LRP12: variants seen among roughly 807,000 people sequenced by gnomAD.
LRP12 encodes low-density lipoprotein receptor-related protein 12.
LRP12 carries 14 observed loss-of-function variants against 66.0 expected under a neutral mutation model. The observed-to-expected ratio is 0.21, with a 90% CI of 0.14 to 0.33. The LOEUF is 0.33. LRP12 is among the 10% of genes least tolerant of loss of function. LRP12 has a pLI of 1.00. For synonymous variants in LRP12, 357 were observed against 359.1 expected, an observed-to-expected ratio of 0.99 and a Z score of 0.07; for missense variants, 889 against 1,053.4, an observed-to-expected ratio of 0.84 and a Z score of 2.16.
intron 1 of LRP12, among the ~76,000 whole-genome samples, chr8:104,575,926 A>C (rs1476836341): frequency 6.6e-6 from 1 of 152,190 alleles, no homozygotes; most frequent in East Asian, 1.9e-4. Context: ...AAAAGAATGT[A>C]ACAGACCTGA....
At position 104,588,851 on chromosome 8, in the gene LRP12, G is replaced by A; in HGVS notation, c.47C>T (p.Ala16Val). The change falls in exon 1 of 7, where the codon GCG becomes GTG. Residue 16 changes from alanine to valine, a missense_variant. Transcript: ENST00000276654. ...STKESPRWRS[A>V]LLLLFLAGVY... ...CCCAGCGAGGAAAAGCAAGAGCAAC[G>A]CAGACCTCCACCGCGGAGACTCTTT... 6.2e-7 allele frequency: 1 copy of A among 1,612,454 alleles called. No individual in the cohort carries two copies. The highest frequency in any genetic ancestry group is 8.5e-7 in the Non-Finnish European group (1 of 1,179,370).
chr8:104,557,318 T>C (rs543290570), intron 1 of LRP12, among the ~76,000 whole-genome samples: 3 of 152,106 alleles, frequency 2.0e-5, no homozygotes, highest in Non-Finnish European at 4.4e-5. Context: ...GCATCCAAAT[T>C]GGTAAAAAGG....
At chr8:104,495,463 C>A in intron 5 of LRP12, 1 of 352,990 alleles carries the variant, frequency 2.8e-6, no homozygotes, top group Non-Finnish European at 5.1e-6. Flanking sequence ...AATGAAAATC[C>A]CTGTAAAAGG....
chr8:104,523,640 T>G (rs1811182842), intron 2 of LRP12, among the ~76,000 whole-genome samples: 1 of 152,208 alleles, frequency 6.6e-6, no homozygotes, highest in Admixed American at 6.5e-5. Flanking sequence ...CGTGTATTTT[T>G]CATTGTGTTT....
In LRP12 at chr8:104,490,789, G is replaced by C; in HGVS notation, c.2464C>G (p.Arg822Gly). 2 of 1,614,042 alleles carry C rather than the reference G, an allele frequency of 1.2e-6. No individual in the cohort carries two copies. The highest frequency in any genetic ancestry group is 1.1e-5 in the South Asian group (1 of 91,070). ...ATNPGVRPSNRDGPCERCGIV... is the reference protein window; with the variant it reads ...ATNPGVRPSNGDGPCERCGIV... ...CCACAGCGCTCACAGGGGCCATCTCGATTACTTGGCCTTACTCCAGGATTT... is the reference window on the plus strand; with the variant it reads ...CCACAGCGCTCACAGGGGCCATCTCCATTACTTGGCCTTACTCCAGGATTT... The change falls in exon 7 of 7, where the codon CGA becomes GGA. Residue 822 changes from arginine (R) to glycine (G), a missense_variant. This residue lies in a region of LRP12 where 800 missense variants were observed against 964.5 expected (regional missense o/e 0.83). Coordinates refer to ENST00000276654, the MANE Select transcript of LRP12 (RefSeq NM_013437.5).
intron 1 of LRP12, among the ~76,000 whole-genome samples, chr8:104,534,854 G>A (rs941982741): frequency 8.6e-5 from 13 of 151,560 alleles, no homozygotes; most frequent in Admixed American, 7.9e-4. Flanking sequence ...AAAGAAAATC[G>A]CTTTGTTAAC....
At chr8:104,513,986 C>T (rs1439463419) in intron 2 of LRP12, among the ~76,000 whole-genome samples, 2 of 152,168 alleles carry the variant, frequency 1.3e-5, no homozygotes, top group Non-Finnish European at 2.9e-5. Context: ...TCTGAATCTA[C>T]ATCATCTCAG....
intron 1 of LRP12, among the ~76,000 whole-genome samples, chr8:104,547,569 AATTAT>A (rs1811601543): frequency 8.0e-6 from 1 of 124,928 alleles, no homozygotes; most frequent in Admixed American, 9.1e-5. Context: ...ATATATTAAT[AATTAT>A]TATATATTAA....
intron 1 of LRP12, among the ~76,000 whole-genome samples, chr8:104,577,670 G>A (rs1446991977): frequency 2.0e-5 from 3 of 151,972 alleles, no homozygotes; most frequent in African/African-American, 7.3e-5. Context: ...AATTAGCTGG[G>A]CGTGGTGGTG....
chr8:104,562,938 C>T (rs1027921134), intron 1 of LRP12, among the ~76,000 whole-genome samples: 4 of 152,086 alleles, frequency 2.6e-5, no homozygotes, highest in East Asian at 1.9e-4. Flanking sequence ...GCACCACAAG[C>T]AGATGAGTTC....
intron 2 of LRP12, among the ~76,000 whole-genome samples, chr8:104,523,543 G>A (rs1375453645): frequency 3.9e-5 from 6 of 152,146 alleles, no homozygotes; most frequent in Middle Eastern, 3.4e-3. Flanking sequence ...TGCTTAAATC[G>A]CTGTGTGATG....
chr8:104,534,823 T>C (rs2140865102), intron 1 of LRP12, among the ~76,000 whole-genome samples: 1 of 151,968 alleles, frequency 6.6e-6, no homozygotes, highest in South Asian at 2.1e-4. Flanking sequence ...CAATTATTTC[T>C]AGGTTACCAG....
chr8:104,587,261 T>C (rs576225094), intron 1 of LRP12, among the ~76,000 whole-genome samples: 12 of 152,324 alleles, frequency 7.9e-5, no homozygotes, highest in African/African-American at 2.6e-4. Context: ...TACCTCTCAA[T>C]TTCTTCTCTC....
intron 2 of LRP12, among the ~76,000 whole-genome samples, chr8:104,524,479 C>T (rs1811199528): frequency 6.6e-6 from 1 of 151,904 alleles, no homozygotes; most frequent in African/African-American, 2.4e-5. Context: ...GAGCATGATC[C>T]AAATTAGGCA....
chr8:104,568,386 T>C (rs1440507652), intron 1 of LRP12, among the ~76,000 whole-genome samples: 2 of 152,120 alleles, frequency 1.3e-5, no homozygotes, highest in Admixed American at 1.3e-4. Flanking sequence ...TTCTTAGATA[T>C]AATATCAAAG....
At chr8:104,570,755 A>G (rs185537063) in intron 1 of LRP12, among the ~76,000 whole-genome samples, 30 of 152,342 alleles carry the variant, frequency 2.0e-4, no homozygotes, top group African/African-American at 6.5e-4. Flanking sequence ...CAACTCATTA[A>G]AAAACTGACA....
At chr8:104,564,709 T>G (rs1053959812) in intron 1 of LRP12, among the ~76,000 whole-genome samples, 1 of 151,878 alleles carries the variant, frequency 6.6e-6, no homozygotes, top group African/African-American at 2.4e-5. Flanking sequence ...GGCGGGCAGA[T>G]CACTTGAGGT....
At chr8:104,501,770 C>T (rs1810831274) in intron 3 of LRP12, among the ~76,000 whole-genome samples, 1 of 151,300 alleles carries the variant, frequency 6.6e-6, no homozygotes, top group African/African-American at 2.4e-5. Flanking sequence ...TTTCTTCCAG[C>T]CTGTGGTTTG....
chr8:104,563,535 G>A lies in LRP12; in HGVS notation c.79+25284C>T, dbSNP rs376747111. The stretch of plus-strand genomic sequence containing the variant: ...TAAATACATATACATACATACATTC[G>A]CAGAGTCTGAATATTTGTATCCTTC... On this transcript the variant is annotated intron_variant, in intron 1 of 6. Transcript: ENST00000276654. Among the ~76,000 whole-genome samples, 9 of 151,826 alleles carry A rather than the reference G, an allele frequency of 5.9e-5. No individual in the cohort carries two copies. The East Asian group carries it at 7.7e-4, about 13-fold the overall frequency.
Sources: gnomAD v4.1 joint callset for allele counts (sites outside exome capture counted in the v4.1 genomes callset) on GRCh38, gnomAD v4.1.1 for gene constraint, gnomAD v4.1.1 regional missense constraint, MANE v1.5 for transcripts, NCBI Gene and HGNC (gene_info 2026-07-23, HGNC 2026-07-21) for gene names.